The following ABLIM3 variants were observed in gnomAD, a reference collection of about 807,000 sequenced individuals.
The protein encoded by ABLIM3 is actin binding LIM protein family member 3.
In ABLIM3, 61 loss-of-function variants were observed where a neutral mutation model predicts 109.5. The observed-to-expected ratio is 0.56, with a 90% confidence interval of 0.45 to 0.69. ABLIM3 has a LOEUF of 0.69. Among genes scored for constraint, ABLIM3 ranks in the 30% least tolerant of loss-of-function variants. The pLI is 0.00. For missense variants in ABLIM3, 796 were observed against 889.5 expected, an observed-to-expected ratio of 0.89 and a Z score of 1.34; for synonymous variants, 300 against 324.8, an observed-to-expected ratio of 0.92 and a Z score of 0.82.
intron 2 of ABLIM3, among the ~76,000 whole-genome samples, chr5:149,153,463 G>A (rs1203935990): frequency 6.6e-6 from 1 of 152,192 alleles, no homozygotes; most frequent in Non-Finnish European, 1.5e-5. Context: ...AGGGGAGCAG[G>A]AGTTGGTCTC....
intron 10 of ABLIM3, among the ~76,000 whole-genome samples, chr5:149,234,608 A>G (rs548017014): frequency 6.6e-6 from 1 of 152,328 alleles, no homozygotes; most frequent in Admixed American, 6.5e-5. Flanking sequence ...TGAAATTTCA[A>G]TATGGGTCAA....
At chr5:149,208,967 G>A (rs1301745906) in intron 6 of ABLIM3, among the ~76,000 whole-genome samples, 3 of 152,188 alleles carry the variant, frequency 2.0e-5, no homozygotes. Context: ...TGGCCAGCCT[G>A]GGCAAGGCCA....
chr5:149,241,253 C>T (rs1460093181), intron 14 of ABLIM3, among the ~76,000 whole-genome samples: 2 of 152,214 alleles, frequency 1.3e-5, no homozygotes, highest in Non-Finnish European at 2.9e-5. Flanking sequence ...CAACCCAGCC[C>T]AGATCCTGCC....
At chr5:149,169,606 G>T (rs1755183599) in intron 2 of ABLIM3, among the ~76,000 whole-genome samples, 1 of 152,184 alleles carries the variant, frequency 6.6e-6, no homozygotes, top group Non-Finnish European at 1.5e-5. Flanking sequence ...AAAAGACATG[G>T]CTGCTCAGGG....
chr5:149,235,464 C>T (rs1340116983), intron 10 of ABLIM3, among the ~76,000 whole-genome samples: 1 of 152,168 alleles, frequency 6.6e-6, no homozygotes, highest in Admixed American at 6.5e-5. Context: ...TTCCTTCCTT[C>T]CTGGCTAATT....
In ABLIM3 at chr5:149,205,660, T is replaced by C. The variant is rs77821657; in HGVS notation, c.449-1348T>C. On this transcript the variant is annotated intron_variant, in intron 5 of 23. Transcript: ENST00000309868. ...GACTTATAGACTTACCCCAGGAGAATAGAAAGGAAGAGAGATAAATCCCGA... is the reference window on the plus strand; with the variant it reads ...GACTTATAGACTTACCCCAGGAGAACAGAAAGGAAGAGAGATAAATCCCGA... Among the ~76,000 whole-genome samples, 1,489 of 152,234 alleles carry C rather than the reference T, an allele frequency of 9.8e-3. 18 individuals are homozygous for C. Among genetic ancestry groups the C allele is most frequent in the African/African-American group, 0.034 (1,424 of 41,526 alleles).
intron 20 of ABLIM3, 21 bp from the exon 21 acceptor site, chr5:149,251,338 G>C: frequency 1.9e-6 from 3 of 1,613,932 alleles, no homozygotes; most frequent in Non-Finnish European, 2.5e-6. Context: ...CAGGCCAGCC[G>C]TGGTTCTGTC....
intron 2 of ABLIM3, among the ~76,000 whole-genome samples, chr5:149,142,309 A>G (rs940148691): frequency 2.0e-5 from 3 of 152,170 alleles, no homozygotes; most frequent in African/African-American, 2.4e-5. Context: ...AATTTTGCCA[A>G]TATTTTATCA....
intron 4 of ABLIM3, among the ~76,000 whole-genome samples, chr5:149,200,096 G>A (rs760664795): frequency 1.3e-5 from 2 of 152,164 alleles, no homozygotes; most frequent in South Asian, 4.1e-4. Context: ...ATCATGATCT[G>A]CCCAAAATAT....
At chr5:149,187,669 A>G (rs1000465505) in intron 3 of ABLIM3, among the ~76,000 whole-genome samples, 2 of 151,694 alleles carry the variant, frequency 1.3e-5, no homozygotes, top group Admixed American at 1.3e-4. Flanking sequence ...TCAATTACCT[A>G]CTCCACCCTG....
intron 6 of ABLIM3, among the ~76,000 whole-genome samples, chr5:149,208,204 A>T (rs1759184013): frequency 6.6e-6 from 1 of 152,174 alleles, no homozygotes; most frequent in Admixed American, 6.5e-5. Context: ...CCCACCTCCA[A>T]CTCAATTAAA....
chr5:149,159,138 T>C (rs1468298674), intron 2 of ABLIM3, among the ~76,000 whole-genome samples: 1 of 152,232 alleles, frequency 6.6e-6, no homozygotes, highest in East Asian at 1.9e-4. Context: ...TGTTTATATA[T>C]AGACAAATGG....
At chr5:149,254,341 CT>C (rs2127576633) in intron 23 of ABLIM3, among the ~76,000 whole-genome samples, 1 of 152,282 alleles carries the variant, frequency 6.6e-6, no homozygotes, top group East Asian at 1.9e-4. Flanking sequence ...CATCAAGCAC[CT>C]TTCACTCTCC....
chr5:149,250,400 C>G, intron 19 of ABLIM3, 47 bp from the exon 20 acceptor site: 1 of 1,598,878 alleles, frequency 6.3e-7, no homozygotes, highest in Non-Finnish European at 8.6e-7. Flanking sequence ...GGGAGAGGGA[C>G]TCATGGCTTG....
At chr5:149,151,867 G>A (rs898839215) in intron 2 of ABLIM3, among the ~76,000 whole-genome samples, 1 of 152,164 alleles carries the variant, frequency 6.6e-6, no homozygotes, top group Non-Finnish European at 1.5e-5. Context: ...TATTCATCAG[G>A]TATTTACTGG....
intron 2 of ABLIM3, among the ~76,000 whole-genome samples, chr5:149,180,616 C>T (rs1375247758): frequency 1.5e-5 from 2 of 134,774 alleles, no homozygotes; most frequent in Non-Finnish European, 3.0e-5. Flanking sequence ...TCTGGAAGAA[C>T]TCACACCAAC....
chr5:149,206,886 T>TC (rs1275086464), intron 5 of ABLIM3, 122 bp from the exon 6 acceptor site: 3 of 1,012,296 alleles, frequency 3.0e-6, no homozygotes, highest in East Asian at 6.6e-5. Context: ...GCTTCCAGTG[T>TC]CAGGTGGGAG....
intron 2 of ABLIM3, among the ~76,000 whole-genome samples, chr5:149,162,843 C>G (rs4705067): frequency 0.79 from 120,798 of 152,208 alleles, 48,283 homozygotes; most frequent in African/African-American, 0.86. Flanking sequence ...CAGGACTTCT[C>G]CCTGCTGAAA....
At chr5:149,227,183 G>A (rs1379319197) in intron 8 of ABLIM3, among the ~76,000 whole-genome samples, 1 of 151,946 alleles carries the variant, frequency 6.6e-6, no homozygotes, top group Non-Finnish European at 1.5e-5. Flanking sequence ...TGTGGAGTGT[G>A]CTATAACCAA....
Sources: allele counts gnomAD v4.1 joint callset (sites outside exome capture counted in the v4.1 genomes callset), GRCh38; gene constraint gnomAD v4.1.1; transcripts MANE v1.5; gene names NCBI Gene and HGNC (gene_info 2026-07-23, HGNC 2026-07-21).